Variants in ZMYND8 observed in about 807,000 individuals in gnomAD.
ZMYND8 encodes MYND-type zinc finger-containing chromatin reader ZMYND8.
Under a neutral mutation model 140.8 loss-of-function variants are expected in ZMYND8, and 37 were observed. The observed-to-expected ratio is 0.26, with a 90% CI of 0.20 to 0.35. The LOEUF is 0.35. Among genes scored for constraint, ZMYND8 ranks in the 10% least tolerant of loss-of-function variants. The probability of loss-of-function intolerance (pLI) is 1.00; values close to 1 mark genes in which losing one functional copy is unlikely to be tolerated. For missense variants in ZMYND8, 1,068 were observed against 1,570.0 expected (o/e 0.68, Z 5.40); for synonymous variants, 592 against 597.1 (o/e 0.99, Z 0.12).
intron 17 of ZMYND8, among the ~76,000 whole-genome samples, chr20:47,228,601 A>G (rs771481156): frequency 1.3e-5 from 2 of 152,340 alleles, no homozygotes; most frequent in African/African-American, 2.4e-5. Flanking sequence ...CATAAAGGTC[A>G]TACTTGCAAA....
intron 2 of ZMYND8, among the ~76,000 whole-genome samples, chr20:47,329,932 T>C (rs144820049): frequency 6.6e-5 from 10 of 152,316 alleles, no homozygotes; most frequent in Middle Eastern, 3.4e-3. Flanking sequence ...TAGTCTAGCC[T>C]GGCAATTGTT....
intron 2 of ZMYND8, among the ~76,000 whole-genome samples, chr20:47,313,519 G>C (rs1397323284): frequency 6.6e-6 from 1 of 152,082 alleles, no homozygotes; most frequent in Non-Finnish European, 1.5e-5. Flanking sequence ...CTACTCGGGA[G>C]GCTGAGGCAG....
intron 16 of ZMYND8, among the ~76,000 whole-genome samples, chr20:47,230,103 T>C (rs1409685882): frequency 6.6e-6 from 1 of 152,146 alleles, no homozygotes; most frequent in African/African-American, 2.4e-5. Context: ...AAAATGTCAC[T>C]AGCACTGAGG....
intron 2 of ZMYND8, among the ~76,000 whole-genome samples, chr20:47,342,308 G>A (rs2081959887): frequency 6.6e-6 from 1 of 152,086 alleles, no homozygotes. Flanking sequence ...ACTTTGGGAG[G>A]CCGAGGCGGG....
At chr20:47,292,370 A>C (rs1257597863) in intron 5 of ZMYND8, among the ~76,000 whole-genome samples, 1 of 152,150 alleles carries the variant, frequency 6.6e-6, no homozygotes, top group African/African-American at 2.4e-5. Flanking sequence ...AGCCTATGAA[A>C]ATCGAAGGTA....
At position 47,236,332 on chromosome 20, in the gene ZMYND8, A is replaced by G; in HGVS notation, c.2850T>C (p.Thr950=). 1 of 1,614,080 alleles carries G rather than the reference A, an allele frequency of 6.2e-7. No individual in the cohort carries two copies. Among genetic ancestry groups the G allele is most frequent in the Non-Finnish European group, 8.5e-7 (1 of 1,179,990 alleles). ...AGCTCTCCCATCCACTCACTTTGCT[A>G]GTGTACTTGGCAATATCAGCGGCGA... The part of the protein sequence containing the change: ...ADVAADIAKY[T]SKMMDAIKGT... Residue 950 remains threonine, a synonymous_variant, in exon 16 of 23, where the codon ACT becomes ACC. Coordinates refer to ENST00000471951, the MANE Select transcript of ZMYND8 (RefSeq NM_001281775.3).
At chr20:47,294,375 A>C (rs545663427) in intron 5 of ZMYND8, among the ~76,000 whole-genome samples, 125 of 150,308 alleles carry the variant, frequency 8.3e-4, no homozygotes, top group African/African-American at 1.7e-3. Flanking sequence ...AACAAACAAA[A>C]AAAAAAACCT....
rs1354841701 is a variant in ZMYND8 at position 47,209,640 on chromosome 20, CAATT to C, written c.*1117_*1120del. The C allele has an allele frequency of 4.6e-5, 7 of 152,490 alleles. No individual in the cohort carries two copies. Among genetic ancestry groups the C allele is most frequent in the Non-Finnish European group, 7.4e-5 (5 of 68,020 alleles). 9.4% of individuals were successfully genotyped at this position (152,490 alleles called of 1,614,324 possible). A position where few individuals can be genotyped will look rare whatever the true frequency, so the allele number is the denominator to read the frequency against. On this transcript the variant is annotated 3_prime_UTR_variant, in exon 23 of 23. Coordinates refer to ENST00000471951, the MANE Select transcript of ZMYND8 (RefSeq NM_001281775.3). ...CAAAACGTACTGGAATGATATCGTA[CAATT>C]AATTTTCTCATATACATACATCACC...
At position 47,246,423 on chromosome 20, in the gene ZMYND8, G is replaced by C; in HGVS notation, c.1869C>G (p.Ile623Met). ...EKSDSSDSEY[I>M]SDDEQKSKNE... The stretch of plus-strand genomic sequence containing the variant: ...TCTTAGACTTCTGCTCATCATCACT[G>C]ATATACTCACTATCGCTACTATCTG... Residue 623 changes from isoleucine (I) to methionine (M), a missense_variant, in exon 14 of 23, where the codon ATC (isoleucine) becomes ATG (methionine). By Grantham distance (10) the Ile-to-Met change is conservative. Transcript: ENST00000471951. 6.2e-7 allele frequency: 1 copy of C among 1,613,910 alleles called. No individual in the cohort carries two copies. The highest frequency in any genetic ancestry group is 8.5e-7 in the Non-Finnish European group (1 of 1,180,006).
intron 8 of ZMYND8, among the ~76,000 whole-genome samples, chr20:47,286,766 G>A (rs1400337946): frequency 7.2e-5 from 11 of 152,102 alleles, no homozygotes; most frequent in Admixed American, 6.6e-4. Context: ...TTCCATCCAC[G>A]CCATCACAAT....
intron 1 of ZMYND8, 22 bp from the exon 2 acceptor site, chr20:47,347,948 T>C: frequency 6.2e-7 from 1 of 1,613,044 alleles, no homozygotes; most frequent in Admixed American, 1.7e-5. Context: ...CAAATTATGT[T>C]CATGTTTAGG....
intron 3 of ZMYND8, among the ~76,000 whole-genome samples, chr20:47,308,912 C>T (rs950657862): frequency 6.6e-6 from 1 of 152,210 alleles, no homozygotes; most frequent in Non-Finnish European, 1.5e-5. Flanking sequence ...CACTCCTCTA[C>T]TCAATAATGC....
At chr20:47,211,232 G>A (rs1485276121) in intron 22 of ZMYND8, among the ~76,000 whole-genome samples, 3 of 152,150 alleles carry the variant, frequency 2.0e-5, no homozygotes, top group Admixed American at 6.5e-5. Flanking sequence ...ATCACTGAAC[G>A]ACACCAAGCA....
At chr20:47,293,110 A>AGAAGGAAGGAAGGAAGGAAG (rs1326632608) in intron 5 of ZMYND8, among the ~76,000 whole-genome samples, 5 of 55,334 alleles carry the variant, frequency 9.0e-5, no homozygotes, top group Admixed American at 4.4e-4. Flanking sequence ...GGACGAGGAA[A>AGAAGGAAGGAAGGAAGGAAG]GAAGGAAGGA....
intron 2 of ZMYND8, among the ~76,000 whole-genome samples, chr20:47,312,806 AAG>A (rs1451243122): frequency 6.6e-6 from 1 of 150,650 alleles, no homozygotes; most frequent in Non-Finnish European, 1.5e-5. Context: ...AAAAAAAAAA[AAG>A]AGAGAGAGGT....
chr20:47,264,128 C>T (rs1255661119), intron 11 of ZMYND8, among the ~76,000 whole-genome samples: 1 of 152,134 alleles, frequency 6.6e-6, no homozygotes, highest in African/African-American at 2.4e-5. Flanking sequence ...ACTGACACGC[C>T]GCATAGGGAT....
intron 6 of ZMYND8, among the ~76,000 whole-genome samples, chr20:47,290,583 G>GTTTTTTTTTTTTTTT (rs71183240): frequency 4.7e-5 from 3 of 64,082 alleles, no homozygotes; most frequent in East Asian, 1.0e-3. Flanking sequence ...TATTTATTTA[G>GTTTTTTTTTTTTTTT]TTTTTTTTTT....
At chr20:47,287,848 A>ACACACACGCACACT (rs1556005053) in intron 7 of ZMYND8, among the ~76,000 whole-genome samples, 1 of 151,014 alleles carries the variant, frequency 6.6e-6, no homozygotes, top group Admixed American at 6.6e-5. Flanking sequence ...ACACACACAC[A>ACACACACGCACACT]CACGCACACA....
intron 4 of ZMYND8, among the ~76,000 whole-genome samples, chr20:47,297,120 G>A (rs2077689315): frequency 6.7e-6 from 1 of 148,956 alleles, no homozygotes; most frequent in Non-Finnish European, 1.5e-5. Flanking sequence ...CAGCCTCTGC[G>A]TGCAGAGGAG....
Sources: allele counts gnomAD v4.1 joint callset (sites outside exome capture counted in the v4.1 genomes callset), GRCh38; gene constraint gnomAD v4.1.1; transcripts MANE v1.5; gene names NCBI Gene and HGNC (gene_info 2026-07-23, HGNC 2026-07-21).